Variants in CAT observed in about 807,000 individuals in gnomAD.
CAT encodes the protein catalase.
Under a neutral mutation model 59.0 loss-of-function variants are expected in CAT, and 43 were observed. That is an observed-to-expected ratio of 0.73 (90% CI 0.57 to 0.94). The LOEUF is 0.94. Among genes scored for constraint, CAT ranks in the 40% least tolerant of loss-of-function variants. The pLI is 0.00. For synonymous variants in CAT, 218 were observed against 230.9 expected, an observed-to-expected ratio of 0.94 and a Z score of 0.51; for missense variants, 664 against 682.9, an observed-to-expected ratio of 0.97 and a Z score of 0.31.
At position 34,471,727 on chromosome 11, in the gene CAT, G is replaced by C. The variant is rs1019968717; in HGVS notation, c.*294G>C. On this transcript the variant is annotated 3_prime_UTR_variant, in exon 13 of 13. Coordinates refer to ENST00000241052, the MANE Select transcript of CAT (RefSeq NM_001752.4). The stretch of plus-strand genomic sequence containing the variant: ...TCTAGCTAGAAATATGATTTTATTT[G>C]ACAAAATTTGTTGAAATTATGTATG... 1 of 411,576 alleles carries C rather than the reference G, an allele frequency of 2.4e-6. No homozygotes were observed. Among genetic ancestry groups the C allele is most frequent in the African/African-American group, 2.0e-5 (1 of 49,434 alleles). The allele number at this position is 411,576 out of a possible 1,614,324, so 25.5% of individuals were successfully genotyped here.
chr11:34,445,700 C>T (rs1347369191), intron 1 of CAT, among the ~76,000 whole-genome samples: 1 of 151,900 alleles, frequency 6.6e-6, no homozygotes. Flanking sequence ...TAACAAGGAC[C>T]TCTCCAGAGA....
chr11:34,467,586 C>A lies in CAT; in HGVS notation c.1327-702C>A, dbSNP rs1343878532. On this transcript the variant is annotated intron_variant, in intron 10 of 12. Transcript: ENST00000241052. The stretch of plus-strand genomic sequence containing the variant: ...AACAGAGTCTCGCACATTATAGATA[C>A]TCAATATTTGTTGAATGAGTGGAAT... Among the ~76,000 whole-genome samples, 4 of 152,212 alleles carry A rather than the reference C, an allele frequency of 2.6e-5. No individual in the cohort carries two copies. In the South Asian group the frequency reaches 8.3e-4, roughly 32 times the overall value.
intron 9 of CAT, among the ~76,000 whole-genome samples, chr11:34,463,220 T>C (rs189733910): frequency 1.3e-5 from 2 of 152,326 alleles, no homozygotes; most frequent in East Asian, 1.9e-4. Context: ...CAAAGCATAG[T>C]TGAGAAAATA....
intron 1 of CAT, among the ~76,000 whole-genome samples, chr11:34,442,835 C>G (rs1856407391): frequency 6.6e-6 from 1 of 152,098 alleles, no homozygotes; most frequent in Non-Finnish European, 1.5e-5. Flanking sequence ...AGGGTCACTG[C>G]CACTTACATT....
In CAT at chr11:34,452,205, T is replaced by C; in HGVS notation, c.478T>C (p.Leu160=). The C allele has an allele frequency of 6.2e-7, 1 of 1,613,472 alleles. No individual in the cohort carries two copies. The highest frequency in any genetic ancestry group is 1.1e-5 in the South Asian group (1 of 91,056). Residue 160 remains leucine (L), a splice_region_variant and synonymous_variant, in exon 4 of 13, where the codon TTG becomes CTG. Coordinates refer to ENST00000241052, the MANE Select transcript of CAT (RefSeq NM_001752.4). The stretch of plus-strand genomic sequence containing the variant: ...CATTTTCTTCATCAGGGATCCCATA[T>C]TGGTAGGTAATAGAGTATTTTGCAC... The part of the protein sequence containing the change: ...TPIFFIRDPI[L]FPSFIHSQKR...
At chr11:34,442,710 C>T (rs139453100) in intron 1 of CAT, among the ~76,000 whole-genome samples, 1,800 of 152,276 alleles carry the variant, frequency 0.012, 25 homozygotes, top group South Asian at 0.04. Context: ...TTGAGGGCAC[C>T]AGGCTGAAGG....
At chr11:34,457,044 A>G (rs764946430) in intron 8 of CAT, 2 of 316,470 alleles carry the variant, frequency 6.3e-6, no homozygotes, top group Non-Finnish European at 1.2e-5. Context: ...AGATCCCTAC[A>G]TATGTGAAGA....
chr11:34,448,508 G>A (rs1157248729), intron 1 of CAT, among the ~76,000 whole-genome samples: 2 of 152,190 alleles, frequency 1.3e-5, no homozygotes, highest in African/African-American at 4.8e-5. Context: ...TGATGTAACT[G>A]AAATTGGAGA....
chr11:34,466,775 C>G (rs112156670), intron 10 of CAT, among the ~76,000 whole-genome samples: 1,612 of 88,042 alleles, frequency 0.018, 11 homozygotes, highest in Admixed American at 0.033. Context: ...AGCGAGACTC[C>G]GTCTCAAAAA....
At chr11:34,442,227 A>G (rs1333533961) in intron 1 of CAT, among the ~76,000 whole-genome samples, 1 of 152,186 alleles carries the variant, frequency 6.6e-6, no homozygotes, top group Non-Finnish European at 1.5e-5. Context: ...CATAGCCCAT[A>G]TTTTAAGTTC....
chr11:34,471,662 A>C lies in CAT; in HGVS notation c.*229A>C, dbSNP rs1049324469. 9.1e-6 allele frequency: 5 copies of C among 549,454 alleles called. No homozygotes were observed. The African/African-American group carries it at 9.5e-5, about 10-fold the overall frequency. The allele number at this position is 549,454 out of a possible 1,614,324, so 34.0% of individuals were successfully genotyped here. On this transcript the variant is annotated 3_prime_UTR_variant, in exon 13 of 13. Transcript: ENST00000241052. Reference sequence around the variant, plus strand: ...TTAAAAAAAAAATTTGTTTTGACGGATGATTGGATTATTCATTTAAAATGA... The same window carrying C: ...TTAAAAAAAAAATTTGTTTTGACGGCTGATTGGATTATTCATTTAAAATGA...
chr11:34,443,356 G>T (rs1856413570), intron 1 of CAT, among the ~76,000 whole-genome samples: 1 of 152,226 alleles, frequency 6.6e-6, no homozygotes, highest in African/African-American at 2.4e-5. Flanking sequence ...TGGGAGTTTT[G>T]TAAACTTTAA....
intron 8 of CAT, 104 bp downstream of exon 8, chr11:34,456,921 C>A: frequency 8.1e-7 from 1 of 1,240,186 alleles, no homozygotes; most frequent in Non-Finnish European, 1.2e-6. Context: ...TTAACAAGAA[C>A]ATTACTTAAA....
At chr11:34,464,385 C>T (rs1856689460) in intron 10 of CAT, 150 bp downstream of exon 10, 2 of 854,758 alleles carry the variant, frequency 2.3e-6, no homozygotes, top group African/African-American at 1.7e-5. Context: ...AAATTGGGCC[C>T]CTTACTGGGT....
intron 5 of CAT, 37 bp downstream of exon 5, chr11:34,453,231 G>A: frequency 8.4e-7 from 1 of 1,194,004 alleles, no homozygotes. Context: ...TATATCACCT[G>A]GGATGCAGTG....
At position 34,447,509 on chromosome 11, in the gene CAT, A is replaced by G. The variant is rs139311310; in HGVS notation, c.67-1683A>G. On this transcript the variant is annotated intron_variant, in intron 1 of 12. Transcript: ENST00000241052. ...ACAGAGGGTCACACGTATTAGCAAC[A>G]TATGTATCTTCAAAAGAGTGATGTG... Among the ~76,000 whole-genome samples the G allele has an allele frequency of 2.6e-4, 40 of 152,266 alleles. No homozygotes were observed. In the East Asian group the frequency reaches 6.9e-3, roughly 26 times the overall value.
At chr11:34,450,878 C>T in intron 2 of CAT, 110 bp from the exon 3 acceptor site, 1 of 801,880 alleles carries the variant, frequency 1.2e-6, no homozygotes, top group Non-Finnish European at 2.3e-6. Context: ...TGGAAGCTCC[C>T]AGAAGGCTGG....
rs149450955 is a variant in CAT at position 34,453,822 on chromosome 11, C to T, written c.607C>T (p.Arg203Trp). The change falls in exon 6 of 13, where the codon CGG (arginine) becomes TGG (tryptophan). Residue 203 changes from arginine (R) to tryptophan (W), a missense_variant. Physicochemically the swap from Arg to Trp is moderately radical, Grantham distance 101. Transcript: ENST00000241052. ...LHQVSFLFSDRGIPDGHRHMN... is the reference protein window; with the variant it reads ...LHQVSFLFSDWGIPDGHRHMN... ...TTAGGTTTCTTTCTTGTTCAGTGAT[C>T]GGGGGATTCCAGATGGACATCGCCA... The T allele has an allele frequency of 1.4e-4, 223 of 1,613,114 alleles. No individual in the cohort carries two copies. Among genetic ancestry groups the T allele is most frequent in the Non-Finnish European group, 1.8e-4 (216 of 1,179,284 alleles).
Position 34,449,404 on chromosome 11 carries a change from A to G in CAT, c.238+41A>G, listed in dbSNP as rs1856496660. 4 of 1,553,314 alleles carry G rather than the reference A, an allele frequency of 2.6e-6. No homozygotes were observed. The South Asian group carries it at 3.4e-5, about 13-fold the overall frequency. ...ATTTGCTGTAAAAAGATTGTTTCACAGCACCTGGGTCAAGTGTTATTTCCC... is the reference window on the plus strand; with the variant it reads ...ATTTGCTGTAAAAAGATTGTTTCACGGCACCTGGGTCAAGTGTTATTTCCC... On this transcript the variant is annotated intron_variant, in intron 2 of 12. Coordinates refer to ENST00000241052, the MANE Select transcript of CAT (RefSeq NM_001752.4).
Sources: allele counts gnomAD v4.1 joint callset (sites outside exome capture counted in the v4.1 genomes callset), GRCh38; gene constraint gnomAD v4.1.1; transcripts MANE v1.5; gene names NCBI Gene and HGNC (gene_info 2026-07-23, HGNC 2026-07-21).